Variants in EVC observed in about 807,000 individuals in gnomAD.
EVC encodes EvC ciliary complex subunit 1, also known as evC complex member EVC.
A neutral mutation model predicts 118.9 loss-of-function variants in EVC; 116 were observed. That is an observed-to-expected ratio of 0.98 (90% CI 0.84 to 1.14). The LOEUF (loss-of-function observed/expected upper bound fraction) is 1.14. Ranked by LOEUF, EVC falls within the 50% of genes most tolerant of loss-of-function variation. EVC has a pLI of 0.00. For synonymous variants in EVC, 619 were observed against 534.7 expected, an observed-to-expected ratio of 1.16 and a Z score of -2.18; for missense variants, 1,401 against 1,246.4, an observed-to-expected ratio of 1.12 and a Z score of -1.87.
rs1007655947 is a variant in EVC at position 5,754,008 on chromosome 4, G to A, written c.1464+75G>A. 1.3e-5 allele frequency: 20 copies of A among 1,576,580 alleles called. No homozygotes were observed. The highest frequency in any genetic ancestry group is 4.5e-4 in the Middle Eastern group (2 of 4,406). ...CTGTTCCCGTGACTGAGCACGGGAC[G>A]CCGGAGGTATTCATCAGGCATGAGG... On this transcript the variant is annotated intron_variant, in intron 10 of 20. Coordinates refer to ENST00000264956, the MANE Select transcript of EVC (RefSeq NM_153717.3). The surrounding 1 kb of genome is among the most constrained non-coding windows in gnomAD (Gnocchi z 5.8).
At chr4:5,718,588 G>A (rs1724377276) in intron 1 of EVC, among the ~76,000 whole-genome samples, 1 of 152,148 alleles carries the variant, frequency 6.6e-6, no homozygotes, top group African/African-American at 2.4e-5. Context: ...AGAAGGCAGA[G>A]TGCTACTTTG....
the EVC span, chr4:5,828,775 T>C: frequency 2.6e-5 from 35 of 1,326,178 alleles, no homozygotes; most frequent in Non-Finnish European, 3.2e-5. Flanking sequence ...GTTCCAATGT[T>C]TTTTTTTCTC....
At chr4:5,806,041 G>A (rs1440262619) in intron 17 of EVC, among the ~76,000 whole-genome samples, 2 of 150,956 alleles carry the variant, frequency 1.3e-5, no homozygotes, top group East Asian at 1.9e-4. Context: ...CCCTCCCATC[G>A]TCCCGCCGCC....
At chr4:5,810,279 A>G in intron 19 of EVC, 60 bp from the exon 20 acceptor site, 1 of 1,379,928 alleles carries the variant, frequency 7.2e-7, no homozygotes. Context: ...GTGAGGCTGC[A>G]AGAAGTTGTC....
downstream of EVC, among the ~76,000 whole-genome samples, chr4:5,814,503 C>T (rs145889678): frequency 4.0e-3 from 606 of 152,260 alleles, 5 homozygotes; most frequent in African/African-American, 0.014. Flanking sequence ...CTGCCATCCG[C>T]CCATCACATG....
In EVC at chr4:5,719,120, C is replaced by T. The variant is rs866502912; in HGVS notation, c.175-128C>T. 1.2e-5 allele frequency: 15 copies of T among 1,256,952 alleles called. No homozygotes were observed. In the Middle Eastern group the frequency reaches 2.4e-3, roughly 205 times the overall value. 77.9% of individuals were successfully genotyped at this position (1,256,952 alleles called of 1,614,324 possible). A position where few individuals can be genotyped will look rare whatever the true frequency, so the allele number is the denominator to read the frequency against. On this transcript the variant is annotated intron_variant, in intron 1 of 20. Transcript: ENST00000264956. The surrounding 1 kb of genome is among the most constrained non-coding windows in gnomAD (Gnocchi z 4.7). ...CACACAGAAGACCAAGCTTGAGAAG[C>T]ACAGAGGCGAGCAGAAGTGGCTGCT... is the stretch of plus-strand genomic sequence containing the variant.
chr4:5,827,920 C>A, the EVC span: 1 of 550,332 alleles, frequency 1.8e-6, no homozygotes. Context: ...AGAGCCTGCT[C>A]CTTCCCTTTG....
intron 7 of EVC, among the ~76,000 whole-genome samples, chr4:5,747,773 G>A (rs1240966266): frequency 6.6e-6 from 1 of 152,210 alleles, no homozygotes; most frequent in African/African-American, 2.4e-5. Context: ...CTTCCAGGAA[G>A]TATTTAATCC....
At position 5,729,631 on chromosome 4, in the gene EVC, C is replaced by A. The variant is rs1726464864; in HGVS notation, c.384+241C>A. Reference sequence around the variant, plus strand: ...ACGAGGTAACAGCACAGTAGGACAGCTCCCTCTCTGCCTTTTTAACACTAA... The same window carrying A: ...ACGAGGTAACAGCACAGTAGGACAGATCCCTCTCTGCCTTTTTAACACTAA... On this transcript the variant is annotated intron_variant, in intron 3 of 20. Coordinates refer to ENST00000264956, the MANE Select transcript of EVC (RefSeq NM_153717.3). Among the ~76,000 whole-genome samples, 3 of 152,144 alleles carry A rather than the reference C, an allele frequency of 2.0e-5. No individual in the cohort carries two copies. In the South Asian group the frequency reaches 6.2e-4, roughly 32 times the overall value.
chr4:5,723,124 G>A (rs1416243855), intron 2 of EVC, among the ~76,000 whole-genome samples: 1 of 152,036 alleles, frequency 6.6e-6, no homozygotes, highest in Non-Finnish European at 1.5e-5. Context: ...CCCATTTCCC[G>A]GCTCCTCCAT....
rs757990300 is a variant in EVC at position 5,731,620 on chromosome 4, C to T, written c.580C>T (p.Arg194Trp). 4.9e-5 allele frequency: 79 copies of T among 1,614,036 alleles called. No homozygotes were observed. Among genetic ancestry groups the T allele is most frequent in the Middle Eastern group, 1.6e-4 (1 of 6,084 alleles). Residue 194 changes from arginine (R) to tryptophan (W), a missense_variant, in exon 4 of 21, where the codon CGG becomes TGG. Arg to Trp is a moderately radical substitution (Grantham distance 101, BLOSUM62 -3). Transcript: ENST00000264956. This position sits in a 1 kb window ranked among gnomAD's most constrained non-coding sequence, Gnocchi z 5.6. ...CAGGTTTCTCAGCCGCACCTTCCTCCGGGTGAACGCCTTCCCTGAAGTGCT... is the reference window on the plus strand; with the variant it reads ...CAGGTTTCTCAGCCGCACCTTCCTCTGGGTGAACGCCTTCCCTGAAGTGCT... ...DDRFLSRTFL[R>W]VNAFPEVLAC...
intron 11 of EVC, among the ~76,000 whole-genome samples, chr4:5,774,722 T>C (rs1734467010): frequency 1.3e-5 from 2 of 152,108 alleles, no homozygotes; most frequent in Admixed American, 1.3e-4. Flanking sequence ...GGGGAGGGGA[T>C]AGCCTCCTAA....
Position 5,752,724 on chromosome 4 carries a change from CA to C in EVC, c.1099-111del, listed in dbSNP as rs984303164. On this transcript the variant is annotated intron_variant, in intron 8 of 20. Transcript: ENST00000264956. Reference sequence around the variant, plus strand: ...TTCATCCCTCTGAGCTCCGCTCTCCCAGGCAGTGCCATTAGTTAATGACCCT... The same window carrying C: ...TTCATCCCTCTGAGCTCCGCTCTCCCGGCAGTGCCATTAGTTAATGACCCT... 5.5e-6 allele frequency: 6 copies of C among 1,082,864 alleles called. No individual in the cohort carries two copies. In the African/African-American group the frequency reaches 9.2e-5, roughly 17 times the overall value. The allele number at this position is 1,082,864 out of a possible 1,614,324, so 67.1% of individuals were successfully genotyped here.
chr4:5,743,278 T>G lies in EVC; in HGVS notation c.801+1464T>G, dbSNP rs1728880902. ...CAGATCCCATTTTGATCAGCAGGGTTGTGATCAGAAAACAAGTCCTGCCAG... is the reference window on the plus strand; with the variant it reads ...CAGATCCCATTTTGATCAGCAGGGTGGTGATCAGAAAACAAGTCCTGCCAG... On this transcript the variant is annotated intron_variant, in intron 6 of 20. Coordinates refer to ENST00000264956, the MANE Select transcript of EVC (RefSeq NM_153717.3). The surrounding 1 kb of genome is among the most constrained non-coding windows in gnomAD (Gnocchi z 4.7). Among the ~76,000 whole-genome samples, 2 of 152,298 alleles carry G rather than the reference T, an allele frequency of 1.3e-5. No individual in the cohort carries two copies. Among genetic ancestry groups the G allele is most frequent in the African/African-American group, 4.8e-5 (2 of 41,564 alleles).
At chr4:5,799,616 G>A (rs1271804079) in intron 15 of EVC, among the ~76,000 whole-genome samples, 1 of 152,184 alleles carries the variant, frequency 6.6e-6, no homozygotes, top group Non-Finnish European at 1.5e-5. Context: ...TCAGGCCACT[G>A]TAGGCAGGAT....
chr4:5,792,221 A>G (rs940508414), intron 12 of EVC, among the ~76,000 whole-genome samples: 1 of 152,230 alleles, frequency 6.6e-6, no homozygotes, highest in Non-Finnish European at 1.5e-5. Flanking sequence ...AGATCCATTC[A>G]GATTGCTAAA....
intron 5 of EVC, among the ~76,000 whole-genome samples, chr4:5,735,904 C>A (rs544862988): frequency 6.6e-6 from 1 of 152,304 alleles, no homozygotes; most frequent in East Asian, 1.9e-4. Flanking sequence ...TCGTCGTGTG[C>A]TGGGACTGTA....
Position 5,735,349 on chromosome 4 carries a change from G to A in EVC, c.702+1914G>A, listed in dbSNP as rs530110528. On this transcript the variant is annotated intron_variant, in intron 5 of 20. Coordinates refer to ENST00000264956, the MANE Select transcript of EVC (RefSeq NM_153717.3). ...GAAGTTCCAGGAGCACTGGATTAAG[G>A]GACAGTCCTAGACCCTAGTCCACCC... Among the ~76,000 whole-genome samples, 12 of 152,310 alleles carry A rather than the reference G, an allele frequency of 7.9e-5. No homozygotes were observed. The East Asian group carries it at 2.3e-3, about 29-fold the overall frequency.
At chr4:5,776,940 A>AT (rs1734800718) in intron 11 of EVC, among the ~76,000 whole-genome samples, 2 of 152,158 alleles carry the variant, frequency 1.3e-5, no homozygotes, top group South Asian at 4.1e-4. Context: ...TCATGAGCAT[A>AT]GTAAGCATTG....
Sources: gnomAD v4.1 joint callset for allele counts (sites outside exome capture counted in the v4.1 genomes callset) on GRCh38, gnomAD v4.1.1 for gene constraint, Gnocchi (gnomAD v3.1) non-coding constraint, MANE v1.5 for transcripts, NCBI Gene and HGNC (gene_info 2026-07-23, HGNC 2026-07-21) for gene names.